VRTN: variants seen among roughly 807,000 people sequenced by gnomAD.
VRTN encodes the protein vertebrae development associated.
A neutral mutation model predicts 18.2 loss-of-function variants in VRTN; 5 were observed. The ratio of observed to expected loss-of-function variants is 0.27; its 90% CI spans 0.14 to 0.58. The LOEUF (loss-of-function observed/expected upper bound fraction) is 0.58, where lower values mean the gene tolerates loss of function less well. VRTN is among the 20% of genes least tolerant of loss of function. VRTN has a pLI of 0.91. For missense variants in VRTN, 741 were observed against 939.4 expected (o/e 0.79, Z 2.76); for synonymous variants, 381 against 393.7 (o/e 0.97, Z 0.38).
At chr14:74,332,504 G>A (rs1008283673) in intron 1 of VRTN, among the ~76,000 whole-genome samples, 1 of 151,632 alleles carries the variant, frequency 6.6e-6, no homozygotes, top group Non-Finnish European at 1.5e-5. Flanking sequence ...ACAGGTATGT[G>A]CCACCTTGCC....
At chr14:74,349,985 TG>T (rs1047807557) in intron 1 of VRTN, among the ~76,000 whole-genome samples, 2 of 151,966 alleles carry the variant, frequency 1.3e-5, no homozygotes, top group African/African-American at 4.8e-5. Flanking sequence ...CCAAGAGTTG[TG>T]GGGGCCAGGG....
intron 1 of VRTN, among the ~76,000 whole-genome samples, chr14:74,351,478 G>A (rs865902327): frequency 1.3e-5 from 2 of 149,058 alleles, no homozygotes; most frequent in Non-Finnish European, 1.5e-5. Flanking sequence ...TTGTCCAAAG[G>A]TGATTCTGAT....
At chr14:74,308,558 A>C (rs2085369261) in intron 1 of VRTN, among the ~76,000 whole-genome samples, 1 of 151,962 alleles carries the variant, frequency 6.6e-6, no homozygotes, top group African/African-American at 2.4e-5. Flanking sequence ...CTTGTTGCTC[A>C]GGCTGGAGGG....
rs1306348257 is a variant in VRTN, at chr14:74,320,254, T to C, written c.-164+17078T>C. 5.4e-3 allele frequency among the ~76,000 whole-genome samples: 608 copies of C among 113,158 alleles called. 10 individuals carry two copies. Among genetic ancestry groups the C allele is most frequent in the African/African-American group, 0.02 (566 of 28,460 alleles). The allele number at this position is 113,158 out of a possible 152,430, so 74.2% of individuals were successfully genotyped here. A position where few individuals can be genotyped will look rare whatever the true frequency, so the allele number is the denominator to read the frequency against. Reference sequence around the variant, plus strand: ...GACAGAGCAAGATCCCATCCCTTTTTTTTTTTTTTTTTTTTTTTTTTTTTG... The same window carrying C: ...GACAGAGCAAGATCCCATCCCTTTTCTTTTTTTTTTTTTTTTTTTTTTTTG... On this transcript the variant is annotated intron_variant, in intron 1 of 2. Transcript: ENST00000557177.
At chr14:74,354,967 C>T (rs1051263921) in intron 1 of VRTN, among the ~76,000 whole-genome samples, 2 of 151,610 alleles carry the variant, frequency 1.3e-5, no homozygotes, top group Non-Finnish European at 2.9e-5. Context: ...CATGGTGAAA[C>T]CCCGTCTCTA....
intron 1 of VRTN, among the ~76,000 whole-genome samples, chr14:74,355,270 C>G (rs2085717955): frequency 1.3e-5 from 2 of 152,068 alleles, no homozygotes; most frequent in African/African-American, 2.4e-5. Context: ...TCACTTCATT[C>G]ATTTTTGAGA....
chr14:74,329,471 C>G (rs1023517771), intron 1 of VRTN, among the ~76,000 whole-genome samples: 21 of 152,020 alleles, frequency 1.4e-4, no homozygotes, highest in African/African-American at 5.1e-4. Flanking sequence ...GCAATGTTGC[C>G]CTGGCTGGTC....
chr14:74,306,890 G>A (rs567212134), intron 1 of VRTN, among the ~76,000 whole-genome samples: 3 of 152,080 alleles, frequency 2.0e-5, no homozygotes, highest in Admixed American at 6.5e-5. Context: ...ACAGGGCGGA[G>A]CCACCGCTCC....
chr14:74,310,658 C>T (rs1290864006), intron 1 of VRTN, among the ~76,000 whole-genome samples: 2 of 151,478 alleles, frequency 1.3e-5, no homozygotes, highest in Non-Finnish European at 2.9e-5. Context: ...CTGCCTCAGC[C>T]TCCCAAGTAG....
intron 1 of VRTN, among the ~76,000 whole-genome samples, chr14:74,335,437 AG>A (rs1298339935): frequency 6.6e-6 from 1 of 152,172 alleles, no homozygotes; most frequent in African/African-American, 2.4e-5. Flanking sequence ...CTGATTGGCT[AG>A]TTTGATCTAA....
intron 1 of VRTN, among the ~76,000 whole-genome samples, chr14:74,335,507 A>G (rs1036256309): frequency 9.4e-6 from 1 of 105,980 alleles, no homozygotes; most frequent in African/African-American, 3.8e-5. Flanking sequence ...TAGCCACTGT[A>G]CTAAATGCCT....
At chr14:74,350,462 G>T (rs1179142657) in intron 1 of VRTN, among the ~76,000 whole-genome samples, 1 of 152,066 alleles carries the variant, frequency 6.6e-6, no homozygotes, top group Non-Finnish European at 1.5e-5. Context: ...GTGTTGGAAG[G>T]TATCTGGACA....
chr14:74,323,582 TAA>T (rs753171321), intron 1 of VRTN, among the ~76,000 whole-genome samples: 1 of 140,540 alleles, frequency 7.1e-6, no homozygotes. Context: ...AAATTCCATC[TAA>T]AAAAAAAAAA....
upstream of VRTN, among the ~76,000 whole-genome samples, chr14:74,344,764 GT>G (rs2085632941): frequency 1.1e-5 from 1 of 91,430 alleles, no homozygotes; most frequent in African/African-American, 4.3e-5. Context: ...AAAGAAAAAT[GT>G]AAAAATATGT....
Position 74,357,855 on chromosome 14 carries a change from GGCACCT to G in VRTN, c.1075_1080del (p.Thr359_Cys360del), listed in dbSNP as rs778971563. On this transcript the variant is annotated inframe_deletion, in exon 2 of 2. Coordinates refer to ENST00000256362, the MANE Select transcript of VRTN (RefSeq NM_018228.3). The surrounding 1 kb of genome is among the most constrained non-coding windows in gnomAD (Gnocchi z 7.8). Reference sequence around the variant, plus strand: ...CTGGAAGCATGAGCTGCTGGGCTCTGGCACCTGCCCGGCCTTGCCCCCCAGGGAGGT... The same window carrying G: ...CTGGAAGCATGAGCTGCTGGGCTCTGGCCCGGCCTTGCCCCCCAGGGAGGT... 115 of 1,613,718 alleles carry G rather than the reference GGCACCT, an allele frequency of 7.1e-5. No homozygotes were observed. Among genetic ancestry groups the G allele is most frequent in the Admixed American group, 1.2e-4 (7 of 60,010 alleles).
rs551374254 is a variant in VRTN, at chr14:74,359,190, C to T, written c.*298C>T. 3.2e-4 allele frequency: 116 copies of T among 358,850 alleles called. No individual in the cohort carries two copies. Among genetic ancestry groups the T allele is most frequent in the African/African-American group, 2.0e-3 (97 of 47,394 alleles). 22.2% of individuals were successfully genotyped at this position (358,850 alleles called of 1,614,324 possible). A position where few individuals can be genotyped will look rare whatever the true frequency, so the allele number is the denominator to read the frequency against. On this transcript the variant is annotated 3_prime_UTR_variant, in exon 2 of 2. Coordinates refer to ENST00000256362, the MANE Select transcript of VRTN (RefSeq NM_018228.3). ...TTTGATTTGAGTGGGTTGGTTGGCCCCCTTGCTGGAGTTGGAAGCCGTATG... is the reference window on the plus strand; with the variant it reads ...TTTGATTTGAGTGGGTTGGTTGGCCTCCTTGCTGGAGTTGGAAGCCGTATG...
chr14:74,323,600 C>T (rs1209558851), intron 1 of VRTN, among the ~76,000 whole-genome samples: 1 of 151,456 alleles, frequency 6.6e-6, no homozygotes, highest in Non-Finnish European at 1.5e-5. Flanking sequence ...AAAAACCAAA[C>T]CAACAAACAA....
chr14:74,342,246 C>G (rs1006595617), intron 2 of VRTN, among the ~76,000 whole-genome samples: 1 of 107,560 alleles, frequency 9.3e-6, no homozygotes, highest in African/African-American at 6.1e-5. Context: ...GACCCTGCTT[C>G]AGAAAAAAAA....
chr14:74,326,423 A>AG (rs1279611539), intron 1 of VRTN, among the ~76,000 whole-genome samples: 1 of 152,114 alleles, frequency 6.6e-6, no homozygotes, highest in Non-Finnish European at 1.5e-5. Flanking sequence ...GCACATTCTA[A>AG]GCAGGCTGGG....
Sources: allele counts gnomAD v4.1 joint callset (sites outside exome capture counted in the v4.1 genomes callset), GRCh38; gene constraint gnomAD v4.1.1; non-coding constraint Gnocchi (gnomAD v3.1); transcripts MANE v1.5; gene names NCBI Gene and HGNC (gene_info 2026-07-23, HGNC 2026-07-21).